Variants in KIRREL3 observed in about 807,000 individuals in gnomAD.
KIRREL3 encodes kin of IRRE-like protein 3.
KIRREL3 carries 36 observed loss-of-function variants against 89.7 expected under a neutral mutation model. The observed-to-expected ratio is 0.40, with a 90% confidence interval of 0.31 to 0.53. KIRREL3 has a LOEUF of 0.53. KIRREL3 is among the 20% of genes least tolerant of loss of function. KIRREL3 has a pLI of 0.49. For missense variants in KIRREL3, 864 were observed against 1,056.6 expected, an observed-to-expected ratio of 0.82 and a Z score of 2.53; for synonymous variants, 445 against 441.4, an observed-to-expected ratio of 1.01 and a Z score of -0.10.
Position 126,601,175 on chromosome 11 carries a change from T to G in KIRREL3, c.56-38263A>C, listed in dbSNP as rs975976520. Among the ~76,000 whole-genome samples, 3 of 152,134 alleles carry G rather than the reference T, an allele frequency of 2.0e-5. No homozygotes were observed. The highest frequency in any genetic ancestry group is 7.2e-5 in the African/African-American group (3 of 41,426). ...ATGTATTTATGAACCAGCCTCTATC[T>G]AAGGGAGAGAATTTATGTCTCTTCA... On this transcript the variant is annotated intron_variant, in intron 1 of 16. Transcript: ENST00000525144. This position sits in a 1 kb window ranked among gnomAD's most constrained non-coding sequence, Gnocchi z 5.8.
chr11:126,684,367 C>T lies in KIRREL3; in HGVS notation c.56-121455G>A, dbSNP rs1380403165. The stretch of plus-strand genomic sequence containing the variant: ...ATCCTTATCACAAAGCCAATGGAAA[C>T]AAAGAAGTGATACATTAAAAACACA... On this transcript the variant is annotated intron_variant, in intron 1 of 16. Coordinates refer to ENST00000525144, the MANE Select transcript of KIRREL3 (RefSeq NM_032531.4). The surrounding 1 kb of genome is among the most constrained non-coding windows in gnomAD (Gnocchi z 4.2). 2.6e-5 allele frequency among the ~76,000 whole-genome samples: 4 copies of T among 152,208 alleles called. No homozygotes were observed. Among genetic ancestry groups the T allele is most frequent in the Admixed American group, 6.5e-5 (1 of 15,286 alleles).
intron 1 of KIRREL3, among the ~76,000 whole-genome samples, chr11:126,968,848 C>G (rs1949352821): frequency 2.0e-5 from 3 of 152,118 alleles, no homozygotes; most frequent in Admixed American, 2.0e-4. Flanking sequence ...CCCAGTCCCA[C>G]ACCTACCAAC....
intron 1 of KIRREL3, among the ~76,000 whole-genome samples, chr11:126,842,589 T>C (rs1332399048): frequency 1.3e-5 from 2 of 152,218 alleles, no homozygotes; most frequent in African/African-American, 4.8e-5. Flanking sequence ...ACAGTGCTCA[T>C]GTGGGACAGA....
intron 8 of KIRREL3, 134 bp from the exon 9 acceptor site, chr11:126,447,020 G>C: frequency 9.0e-7 from 1 of 1,111,776 alleles, no homozygotes; most frequent in Non-Finnish European, 1.3e-6. Context: ...CACCTCAGTC[G>C]CTTCCATTTT....
rs1265256656 is a variant in KIRREL3, at chr11:126,808,837, T to A, written c.55+191618A>T. 6.6e-6 allele frequency among the ~76,000 whole-genome samples: 1 copy of A among 152,218 alleles called. No homozygotes were observed. Among genetic ancestry groups the A allele is most frequent in the African/African-American group, 2.4e-5 (1 of 41,464 alleles). ...CTCTTGTAAAAAGTTCTACAATTTG[T>A]CAGCTGGCAGCTTATTAAATACCCA... On this transcript the variant is annotated intron_variant, in intron 1 of 16. Coordinates refer to ENST00000525144, the MANE Select transcript of KIRREL3 (RefSeq NM_032531.4). The surrounding 1 kb of genome is among the most constrained non-coding windows in gnomAD (Gnocchi z 4.1).
rs1490761173 is a variant in KIRREL3 at position 126,424,614 on chromosome 11, C to T, written c.2303G>A (p.Arg768Gln). 8.7e-6 allele frequency: 14 copies of T among 1,613,982 alleles called. No individual in the cohort carries two copies. The highest frequency in any genetic ancestry group is 3.3e-5 in the Admixed American group (2 of 60,016). The change falls in exon 17 of 17, where the codon CGA becomes CAA. Residue 768 changes from arginine to glutamine, a missense_variant. By Grantham distance (43) the Arg-to-Gln change is conservative. Coordinates refer to ENST00000525144, the MANE Select transcript of KIRREL3 (RefSeq NM_032531.4). ...AGTCTGCATCCGCCGCTGCAGGGGT[C>T]GACTGGGGTCAGAGTTCTGGGACGA... ...QSSSQNSDPS[R>Q]PLQRRMQTHV
intron 1 of KIRREL3, among the ~76,000 whole-genome samples, chr11:126,998,367 C>T (rs1190937315): frequency 1.3e-5 from 2 of 152,128 alleles, no homozygotes; most frequent in South Asian, 4.1e-4. Flanking sequence ...ACACCATGTA[C>T]AGGGATGCAG....
At position 126,896,687 on chromosome 11, in the gene KIRREL3, C is replaced by A. The variant is rs1229504490; in HGVS notation, c.55+103768G>T. Among the ~76,000 whole-genome samples, 1 of 152,124 alleles carries A rather than the reference C, an allele frequency of 6.6e-6. No individual in the cohort carries two copies. The highest frequency in any genetic ancestry group is 1.5e-5 in the Non-Finnish European group (1 of 68,022). ...ACTTTAATTCTTTTGAGGGCCGTTG[C>A]TCTTCTCAGACACCCAGGGGAGGGG... On this transcript the variant is annotated intron_variant, in intron 1 of 16. Transcript: ENST00000525144. This position sits in a 1 kb window ranked among gnomAD's most constrained non-coding sequence, Gnocchi z 4.1.
chr11:126,468,641 G>T (rs538910243), intron 5 of KIRREL3, among the ~76,000 whole-genome samples: 2 of 152,364 alleles, frequency 1.3e-5, no homozygotes, highest in Non-Finnish European at 1.5e-5. Flanking sequence ...AACAGGCCTG[G>T]TGTTTTATGA....
intron 1 of KIRREL3, among the ~76,000 whole-genome samples, chr11:126,658,191 T>A (rs780117902): frequency 4.6e-5 from 7 of 152,248 alleles, no homozygotes. Context: ...ACAAGAAGAA[T>A]AAGGAAGCTT....
At position 126,515,166 on chromosome 11, in the gene KIRREL3, A is replaced by C. The variant is rs1049956830; in HGVS notation, c.433+6149T>G. Among the ~76,000 whole-genome samples the C allele has an allele frequency of 3.3e-5, 5 of 152,230 alleles. No homozygotes were observed. The highest frequency in any genetic ancestry group is 1.2e-4 in the African/African-American group (5 of 41,460). On this transcript the variant is annotated intron_variant, in intron 4 of 16. Coordinates refer to ENST00000525144, the MANE Select transcript of KIRREL3 (RefSeq NM_032531.4). The surrounding 1 kb of genome is among the most constrained non-coding windows in gnomAD (Gnocchi z 4.2). Reference sequence around the variant, plus strand: ...GCTGGGCGCGATGGCTCACGCCTGTAATCTCAGCATTTTAGGAGGCTGAGT... The same window carrying C: ...GCTGGGCGCGATGGCTCACGCCTGTCATCTCAGCATTTTAGGAGGCTGAGT...
At chr11:126,552,440 G>A (rs191861803) in intron 2 of KIRREL3, among the ~76,000 whole-genome samples, 12 of 151,440 alleles carry the variant, frequency 7.9e-5, no homozygotes, top group African/African-American at 2.7e-4. Context: ...TCTGACATAA[G>A]GTTTAAAAAC....
chr11:126,907,171 A>T (rs1946620932), intron 1 of KIRREL3, among the ~76,000 whole-genome samples: 1 of 152,094 alleles, frequency 6.6e-6, no homozygotes, highest in Admixed American at 6.6e-5. Context: ...CCATTTGGAA[A>T]TGTCCCTTGA....
intron 9 of KIRREL3, among the ~76,000 whole-genome samples, chr11:126,446,401 G>T (rs559277718): frequency 6.7e-6 from 1 of 149,080 alleles, no homozygotes; most frequent in African/African-American, 2.5e-5. Context: ...AAACTCTTGA[G>T]CTCATGTGAT....
intron 4 of KIRREL3, among the ~76,000 whole-genome samples, chr11:126,473,955 G>A (rs770061317): frequency 4.1e-5 from 5 of 122,278 alleles, no homozygotes; most frequent in Admixed American, 1.7e-4. Flanking sequence ...TACCATGCCC[G>A]GCTAATTTTT....
Position 126,788,664 on chromosome 11 carries a change from C to A in KIRREL3, c.55+211791G>T, listed in dbSNP as rs1428977694. On this transcript the variant is annotated intron_variant, in intron 1 of 16. Coordinates refer to ENST00000525144, the MANE Select transcript of KIRREL3 (RefSeq NM_032531.4). The surrounding 1 kb of genome is among the most constrained non-coding windows in gnomAD (Gnocchi z 4.1). The stretch of plus-strand genomic sequence containing the variant: ...GTCTGTTTAGCCTCACCAGACCCAT[C>A]ATCACCAGTCCTCCACATTATAGAC... Among the ~76,000 whole-genome samples, 1 of 152,204 alleles carries A rather than the reference C, an allele frequency of 6.6e-6. No homozygotes were observed. Among genetic ancestry groups the A allele is most frequent in the Non-Finnish European group, 1.5e-5 (1 of 68,044 alleles).
rs530274407 is a variant in KIRREL3, at chr11:126,435,143, C to CG, written c.1588+124dup. ...CTTTGTCTACACTAAACCCTCAGGA[C>CG]GGGGGAGGGCGGAGACACTAGCGGC... On this transcript the variant is annotated intron_variant, in intron 13 of 16. Transcript: ENST00000525144. 2,115 of 996,164 alleles carry CG rather than the reference C, an allele frequency of 2.1e-3. 4 individuals are homozygous for CG. Among genetic ancestry groups the CG allele is most frequent in the African/African-American group, 3.3e-3 (207 of 63,182 alleles). 61.7% of individuals were successfully genotyped at this position (996,164 alleles called of 1,614,324 possible).
intron 1 of KIRREL3, among the ~76,000 whole-genome samples, chr11:126,733,852 C>A (rs1948714178): frequency 6.6e-6 from 1 of 152,138 alleles, no homozygotes; most frequent in Non-Finnish European, 1.5e-5. Context: ...TGTGTCATGC[C>A]TATGGATTCT....
intron 9 of KIRREL3, among the ~76,000 whole-genome samples, chr11:126,445,867 G>A (rs1326679681): frequency 6.6e-6 from 1 of 152,200 alleles, no homozygotes; most frequent in Non-Finnish European, 1.5e-5. Flanking sequence ...GGAACACAAG[G>A]GCTGGACACG....
Sources: gnomAD v4.1 joint callset for allele counts (sites outside exome capture counted in the v4.1 genomes callset) on GRCh38, gnomAD v4.1.1 for gene constraint, Gnocchi (gnomAD v3.1) non-coding constraint, MANE v1.5 for transcripts, NCBI Gene and HGNC (gene_info 2026-07-23, HGNC 2026-07-21) for gene names.